CSMD2: variants seen among roughly 807,000 people sequenced by gnomAD.
CSMD2 encodes CUB and sushi domain-containing protein 2.
A neutral mutation model predicts 398.5 loss-of-function variants in CSMD2; 130 were observed. That is an observed-to-expected ratio of 0.33 (90% CI 0.28 to 0.38). The LOEUF is 0.38. Ranked by LOEUF, CSMD2 falls within the 10% of genes least tolerant of loss-of-function variation. The pLI is 1.00. For synonymous variants in CSMD2, 1,828 were observed against 1,908.5 expected (o/e 0.96, Z 1.10); for missense variants, 3,829 against 4,764.9 (o/e 0.80, Z 5.78).
chr1:33,846,951 G>A lies in CSMD2; in HGVS notation c.966C>T (p.Asn322=). The change falls in exon 6 of 71, where the codon AAC becomes AAT. Residue 322 remains asparagine (N), a synonymous_variant. Coordinates refer to ENST00000373381, the MANE Select transcript of CSMD2 (RefSeq NM_001281956.2). ...CCGATGTGAAGTGCAGTCGCAGCCA[G>A]TTCTTGCTGCTGATAACGGGGGCTG... The part of the protein sequence containing the change: ...SLPAPVISSK[N]WLRLHFTSDG... The A allele has an allele frequency of 6.2e-7, 1 of 1,610,940 alleles. No individual in the cohort carries two copies. Among genetic ancestry groups the A allele is most frequent in the Non-Finnish European group, 8.5e-7 (1 of 1,178,490 alleles).
At chr1:33,627,692 G>A (rs1165725024) in intron 32 of CSMD2, among the ~76,000 whole-genome samples, 4 of 152,208 alleles carry the variant, frequency 2.6e-5, no homozygotes, top group African/African-American at 9.6e-5. Context: ...GCCTGGCTAG[G>A]AGTCATTGTC....
chr1:33,836,949 G>A (rs1231340810), intron 6 of CSMD2, among the ~76,000 whole-genome samples: 4 of 152,178 alleles, frequency 2.6e-5, no homozygotes, highest in South Asian at 2.1e-4. Flanking sequence ...CATCTTCTGC[G>A]TCGCTCACGC....
chr1:34,012,402 C>G (rs2148073077), intron 3 of CSMD2, among the ~76,000 whole-genome samples: 1 of 152,260 alleles, frequency 6.6e-6, no homozygotes, highest in East Asian at 1.9e-4. Context: ...TTGCTTTGCA[C>G]ATCAACATGT....
At chr1:34,008,871 CTGAA>C (rs755752914) in intron 3 of CSMD2, among the ~76,000 whole-genome samples, 3 of 152,164 alleles carry the variant, frequency 2.0e-5, no homozygotes, top group African/African-American at 2.4e-5. Context: ...TAACTATTTG[CTGAA>C]TGAATGAATG....
At chr1:33,606,920 C>T (rs1319591409) in intron 41 of CSMD2, among the ~76,000 whole-genome samples, 1 of 152,180 alleles carries the variant, frequency 6.6e-6, no homozygotes, top group Non-Finnish European at 1.5e-5. Flanking sequence ...CCATATAAGG[C>T]AGAAATAAAC....
chr1:33,522,013 G>A (rs1654350603), intron 67 of CSMD2, among the ~76,000 whole-genome samples: 2 of 152,216 alleles, frequency 1.3e-5, no homozygotes, highest in South Asian at 4.1e-4. Context: ...GTCCCTTGCA[G>A]ATTAAAGGTA....
chr1:33,935,662 G>T, intron 4 of CSMD2, 98 bp downstream of exon 4: 1 of 1,272,612 alleles, frequency 7.9e-7, no homozygotes, highest in Non-Finnish European at 1.1e-6. Flanking sequence ...TCCCTGCTGG[G>T]GTGTAGCTTT....
At position 33,787,737 on chromosome 1, in the gene CSMD2, T is replaced by C. The variant is rs148179354; in HGVS notation, c.1663+863A>G. Among the ~76,000 whole-genome samples the C allele has an allele frequency of 3.4e-3, 523 of 152,268 alleles. 6 individuals are homozygous for C. The highest frequency in any genetic ancestry group is 0.012 in the African/African-American group (497 of 41,558). On this transcript the variant is annotated intron_variant, in intron 12 of 70. Coordinates refer to ENST00000373381, the MANE Select transcript of CSMD2 (RefSeq NM_001281956.2). ...TGGATGGCTTCTCCTTCCACCTTTG[T>C]AGGGACTGGCGTTAGCTGTTATTGG...
chr1:33,746,731 C>G (rs528105021), intron 13 of CSMD2, among the ~76,000 whole-genome samples: 1 of 152,340 alleles, frequency 6.6e-6, no homozygotes, highest in East Asian at 1.9e-4. Context: ...CCCACAATGC[C>G]TGACACATTG....
At chr1:33,999,862 A>G (rs573093985) in intron 3 of CSMD2, among the ~76,000 whole-genome samples, 13 of 152,356 alleles carry the variant, frequency 8.5e-5, no homozygotes, top group Admixed American at 2.6e-4. Context: ...AATGTCCTTC[A>G]AGAGAGAATT....
chr1:33,789,100 A>G (rs1441521), intron 11 of CSMD2, among the ~76,000 whole-genome samples: 60,665 of 151,800 alleles, frequency 0.4, 12,232 homozygotes, highest in Middle Eastern at 0.46. Flanking sequence ...AGAAAAGACC[A>G]CCGCCACCCC....
intron 1 of CSMD2, among the ~76,000 whole-genome samples, chr1:34,150,277 G>T (rs1240400322): frequency 2.0e-5 from 3 of 151,866 alleles, no homozygotes; most frequent in Non-Finnish European, 2.9e-5. Context: ...TAGAGACAGG[G>T]TATTACTATG....
chr1:33,913,354 G>C (rs969265624), intron 5 of CSMD2, among the ~76,000 whole-genome samples: 10 of 152,188 alleles, frequency 6.6e-5, no homozygotes, highest in African/African-American at 2.4e-4. Flanking sequence ...AGGGCAGCCA[G>C]GCTGTGCCTT....
chr1:34,094,905 G>A (rs1244098299), intron 1 of CSMD2, among the ~76,000 whole-genome samples: 55 of 148,506 alleles, frequency 3.7e-4, no homozygotes, highest in Admixed American at 8.8e-4. Context: ...TGCAGCAAGC[G>A]GACCTAATAG....
chr1:33,700,657 T>C lies in CSMD2; in HGVS notation c.3593A>G (p.Asn1198Ser), dbSNP rs1645582234. ...AACTCCCAGCAAACGGGCGGAGTTG[T>C]TGTTGCCATCATAAACCTGGACACA... ...GDVLKVYDGN[N>S]NSARLLGVFS... Residue 1198 changes from asparagine (N) to serine (S), a missense_variant, in exon 23 of 71, where the codon AAC (asparagine) becomes AGC (serine). Transcript: ENST00000373381. 2 of 1,614,210 alleles carry C rather than the reference T, an allele frequency of 1.2e-6. No homozygotes were observed. Among genetic ancestry groups the C allele is most frequent in the Non-Finnish European group, 1.7e-6 (2 of 1,180,040 alleles).
chr1:34,025,540 C>G (rs77336734), intron 3 of CSMD2, among the ~76,000 whole-genome samples: 1,881 of 152,218 alleles, frequency 0.012, 37 homozygotes, highest in African/African-American at 0.043. Flanking sequence ...TGTAAACTCC[C>G]TGTGAATCTT....
At chr1:33,521,414 C>T in intron 68 of CSMD2, 49 bp downstream of exon 68, 1 of 1,146,058 alleles carries the variant, frequency 8.7e-7, no homozygotes, top group Non-Finnish European at 1.3e-6. Context: ...CACACGGTTT[C>T]TCTCCCACCC....
At chr1:33,774,107 T>TTG (rs61454614) in intron 12 of CSMD2, among the ~76,000 whole-genome samples, 12,184 of 141,518 alleles carry the variant, frequency 0.086, 503 homozygotes, top group Admixed American at 0.11. Context: ...ATGGCTGGGA[T>TTG]TGTGTGTGTG....
rs1443343643 is a variant in CSMD2 at position 33,725,449 on chromosome 1, G to T, written c.2595C>A (p.Thr865=). Reference sequence around the variant, plus strand: ...TGCTGATGAGGAACTGGGGAACCTGGGTCCCGTGGTAAACCCCGATCAAGG... The same window carrying T: ...TGCTGATGAGGAACTGGGGAACCTGTGTCCCGTGGTAAACCCCGATCAAGG... The part of the protein sequence containing the change: ...SAPLIGVYHG[T]QVPQFLISTS... Residue 865 remains threonine, a synonymous_variant, in exon 17 of 71, where the codon ACC becomes ACA. Coordinates refer to ENST00000373381, the MANE Select transcript of CSMD2 (RefSeq NM_001281956.2). 6.2e-7 allele frequency: 1 copy of T among 1,614,160 alleles called. No homozygotes were observed. Among genetic ancestry groups the T allele is most frequent in the South Asian group, 1.1e-5 (1 of 91,082 alleles).
Sources: allele counts gnomAD v4.1 joint callset (sites outside exome capture counted in the v4.1 genomes callset), GRCh38; gene constraint gnomAD v4.1.1; transcripts MANE v1.5; gene names NCBI Gene and HGNC (gene_info 2026-07-23, HGNC 2026-07-21).